Variants in MACF1 observed in about 807,000 individuals in gnomAD.
The protein encoded by MACF1 is microtubule-actin cross-linking factor 1.
MACF1 carries 193 observed loss-of-function variants against 854.8 expected under a neutral mutation model. The observed-to-expected ratio is 0.23, with a 90% CI of 0.20 to 0.25. MACF1 has a LOEUF of 0.25. Among genes scored for constraint, MACF1 ranks in the 10% least tolerant of loss-of-function variants. The pLI, the probability that MACF1 is intolerant of heterozygous loss-of-function variation, is 1.00. For synonymous variants in MACF1, 3,185 were observed against 3,226.7 expected (o/e 0.99, Z 0.44); for missense variants, 7,722 against 8,929.1 (o/e 0.86, Z 5.45).
intron 97 of MACF1, among the ~76,000 whole-genome samples, chr1:39,475,376 A>G (rs1644858514): frequency 6.6e-6 from 1 of 150,822 alleles, no homozygotes. Context: ...GGCTGAAGTC[A>G]GGGGATCACT....
intron 2 of MACF1, chr1:39,102,776 C>T (rs1305891165): frequency 5.7e-6 from 4 of 702,474 alleles, no homozygotes; most frequent in Non-Finnish European, 1.0e-5. Flanking sequence ...TCTCACCCAT[C>T]AGGAGCAAAA....
At chr1:39,124,511 A>G (rs547288859) in intron 2 of MACF1, among the ~76,000 whole-genome samples, 4 of 152,232 alleles carry the variant, frequency 2.6e-5, no homozygotes, top group Non-Finnish European at 5.9e-5. Flanking sequence ...AGCACAGCCT[A>G]GCATACTCAA....
At chr1:39,237,705 C>G (rs925341644) in intron 2 of MACF1, among the ~76,000 whole-genome samples, 16 of 151,426 alleles carry the variant, frequency 1.1e-4, no homozygotes, top group African/African-American at 3.6e-4. Flanking sequence ...GCTAACTATG[C>G]CCCCAGCTGA....
At chr1:39,404,213 T>G (rs1642601449) in intron 58 of MACF1, among the ~76,000 whole-genome samples, 1 of 151,780 alleles carries the variant, frequency 6.6e-6, no homozygotes, top group Admixed American at 6.6e-5. Flanking sequence ...GGTTTTTTTT[T>G]GCTGGGCATG....
At chr1:39,413,253 C>G (rs750469939) in intron 58 of MACF1, 1 of 1,611,106 alleles carries the variant, frequency 6.2e-7, no homozygotes, top group Admixed American at 1.7e-5. Flanking sequence ...GAGTGTCCAC[C>G]CCAGAGGAGC....
intron 6 of MACF1, among the ~76,000 whole-genome samples, chr1:39,275,623 T>A (rs535558321): frequency 2.6e-5 from 4 of 152,322 alleles, no homozygotes; most frequent in South Asian, 2.1e-4. Flanking sequence ...AACCTCTTCA[T>A]AGCACTTAAG....
intron 37 of MACF1, 82 bp downstream of exon 37, chr1:39,336,735 C>G: frequency 7.7e-7 from 1 of 1,294,506 alleles, no homozygotes; most frequent in Non-Finnish European, 1.0e-6. Context: ...ACAGAGTTTA[C>G]ATATGTGTAA....
intron 2 of MACF1, among the ~76,000 whole-genome samples, chr1:39,130,579 C>T (rs1642976370): frequency 6.6e-6 from 1 of 152,130 alleles, no homozygotes; most frequent in Non-Finnish European, 1.5e-5. Flanking sequence ...TGCGGTTTTG[C>T]AGAACTTCCT....
intron 2 of MACF1, among the ~76,000 whole-genome samples, chr1:39,091,430 G>A (rs1246673641): frequency 6.6e-6 from 1 of 152,140 alleles, no homozygotes; most frequent in Non-Finnish European, 1.5e-5. Context: ...TCAGAGACTT[G>A]CACAGTAGAT....
chr1:39,259,071 C>A (rs1204359318), intron 6 of MACF1, among the ~76,000 whole-genome samples: 1 of 152,196 alleles, frequency 6.6e-6, no homozygotes, highest in Non-Finnish European at 1.5e-5. Flanking sequence ...CTCTGTCTGG[C>A]AGGATGGGAA....
intron 4 of MACF1, 183 bp from the exon 5 acceptor site, chr1:39,254,113 CAG>C (rs1397698096): frequency 7.0e-6 from 4 of 573,478 alleles, no homozygotes; most frequent in African/African-American, 5.6e-5. Flanking sequence ...TTGGGGACCT[CAG>C]AGAGCCTGGT....
In MACF1 at chr1:39,370,971, G is replaced by A. The variant is rs926509247; in HGVS notation, c.13095+785G>A. On this transcript the variant is annotated intron_variant, in intron 51 of 100. Transcript: ENST00000564288. ...ATGTCACTGTATTTTCCTCAAAAAT[G>A]TAAAATATTCTGTGAGTAAAGCCAT... Among the ~76,000 whole-genome samples the A allele has an allele frequency of 5.9e-5, 9 of 152,156 alleles. No homozygotes were observed. The East Asian group carries it at 1.7e-3, about 29-fold the overall frequency.
rs1294674834 is a variant in MACF1, at chr1:39,460,488, A to T, written c.21361-144A>T. 8 of 693,428 alleles carry T rather than the reference A, an allele frequency of 1.2e-5. No homozygotes were observed. The highest frequency in any genetic ancestry group is 2.0e-5 in the Non-Finnish European group (8 of 407,720). The allele number at this position is 693,428 out of a possible 1,614,324, so 43.0% of individuals were successfully genotyped here. A position where few individuals can be genotyped will look rare whatever the true frequency, so the allele number is the denominator to read the frequency against. On this transcript the variant is annotated intron_variant, in intron 91 of 100. Transcript: ENST00000564288. The surrounding 1 kb of genome is among the most constrained non-coding windows in gnomAD (Gnocchi z 4.1). ...AGTGAAAGAGCCAGATTGTGCCTTCACAAAAGAAGCAAACACATAGATTTC... is the reference window on the plus strand; with the variant it reads ...AGTGAAAGAGCCAGATTGTGCCTTCTCAAAAGAAGCAAACACATAGATTTC...
intron 84 of MACF1, 70 bp downstream of exon 84, chr1:39,448,833 T>A: frequency 1.5e-6 from 2 of 1,323,348 alleles, no homozygotes; most frequent in Non-Finnish European, 2.0e-6. Flanking sequence ...CCAGATTCTA[T>A]AAAATGGTGA....
At chr1:39,255,049 C>G (rs1645082131) in intron 5 of MACF1, among the ~76,000 whole-genome samples, 1 of 151,702 alleles carries the variant, frequency 6.6e-6, no homozygotes, top group South Asian at 2.1e-4. Flanking sequence ...TTGTACTAGT[C>G]CAGTTTCTTA....
At position 39,442,062 on chromosome 1, in the gene MACF1, C is replaced by G; in HGVS notation, c.18774+9C>G. On this transcript the variant is annotated intron_variant, in intron 75 of 100. Coordinates refer to ENST00000564288, the MANE Select transcript of MACF1 (RefSeq NM_001394062.1). The stretch of plus-strand genomic sequence containing the variant: ...AGTTAAATGAAATGAAGGTTTGTAT[C>G]TGGGTATGGCTTTTGAAGAAGAATT... The G allele has an allele frequency of 6.9e-6, 11 of 1,601,108 alleles. No individual in the cohort carries two copies. The highest frequency in any genetic ancestry group is 9.4e-6 in the Non-Finnish European group (11 of 1,175,990).
intron 16 of MACF1, among the ~76,000 whole-genome samples, chr1:39,292,480 G>A (rs1645812136): frequency 6.6e-6 from 1 of 152,212 alleles, no homozygotes; most frequent in Non-Finnish European, 1.5e-5. Flanking sequence ...CAAAAAAGCA[G>A]TTGAGTGGGA....
Position 39,460,681 on chromosome 1 carries a change from T to C in MACF1, c.21410T>C (p.Met7137Thr). 5 of 1,614,224 alleles carry C rather than the reference T, an allele frequency of 3.1e-6. No individual in the cohort carries two copies. The highest frequency in any genetic ancestry group is 4.2e-6 in the Non-Finnish European group (5 of 1,180,030). The part of the protein sequence containing the change: ...FDFDVWRKKY[M>T]RWMNHKKSRV... ...TTTGATGTCTGGAGGAAAAAGTATATGCGTTGGATGAATCACAAAAAGTCT... is the reference window on the plus strand; with the variant it reads ...TTTGATGTCTGGAGGAAAAAGTATACGCGTTGGATGAATCACAAAAAGTCT... The change falls in exon 92 of 101, where the codon ATG (methionine) becomes ACG (threonine). Residue 7137 changes from methionine (M) to threonine (T), a missense_variant. By Grantham distance (81) the Met-to-Thr change is moderately conservative. Around this residue, in one of 15 missense-constraint regions of MACF1, gnomAD observed 153 missense variants for 342.5 expected, o/e 0.45. Coordinates refer to ENST00000564288, the MANE Select transcript of MACF1 (RefSeq NM_001394062.1). The surrounding 1 kb of genome is among the most constrained non-coding windows in gnomAD (Gnocchi z 4.1).
chr1:39,424,303 T>G, intron 61 of MACF1, 109 bp downstream of exon 61: 1 of 842,550 alleles, frequency 1.2e-6, no homozygotes, highest in South Asian at 2.2e-5. Flanking sequence ...TGGAAGGTGT[T>G]TAATGGCTTT....
Sources: gnomAD v4.1 joint callset for allele counts (sites outside exome capture counted in the v4.1 genomes callset) on GRCh38, gnomAD v4.1.1 for gene constraint, gnomAD v4.1.1 regional missense constraint, Gnocchi (gnomAD v3.1) non-coding constraint, MANE v1.5 for transcripts, NCBI Gene and HGNC (gene_info 2026-07-23, HGNC 2026-07-21) for gene names.